Variants in TAFA5 observed in about 807,000 individuals in gnomAD.
The protein encoded by TAFA5 is TAFA chemokine like family member 5, also known as chemokine-like protein TAFA-5.
Under a neutral mutation model 15.3 loss-of-function variants are expected in TAFA5, and 6 were observed. The ratio of observed to expected loss-of-function variants is 0.39; its 90% confidence interval spans 0.21 to 0.77. TAFA5 has a LOEUF of 0.77. Among genes scored for constraint, TAFA5 ranks in the 30% least tolerant of loss-of-function variants. The probability of loss-of-function intolerance (pLI) is 0.41; values close to 1 mark genes in which losing one functional copy is unlikely to be tolerated. For synonymous variants in TAFA5, 103 were observed against 80.7 expected, an observed-to-expected ratio of 1.28 and a Z score of -1.48; for missense variants, 161 against 193.1, an observed-to-expected ratio of 0.83 and a Z score of 0.98.
At chr22:48,580,295 A>G (rs780029514) in intron 1 of TAFA5, among the ~76,000 whole-genome samples, 6 of 152,366 alleles carry the variant, frequency 3.9e-5, no homozygotes, top group African/African-American at 1.4e-4. Context: ...ATGAATGGTT[A>G]TGGCTCCGCG....
chr22:48,686,703 T>C (rs1928364743), intron 2 of TAFA5, among the ~76,000 whole-genome samples: 2 of 150,958 alleles, frequency 1.3e-5, no homozygotes, highest in African/African-American at 4.9e-5. Context: ...AGTGGATAGG[T>C]TGATGGATGC....
intron 1 of TAFA5, among the ~76,000 whole-genome samples, chr22:48,639,909 C>G (rs760969810): frequency 6.6e-6 from 1 of 152,154 alleles, no homozygotes; most frequent in Non-Finnish European, 1.5e-5. Flanking sequence ...TGCTCTCCCC[C>G]TCATCCACAG....
chr22:48,677,376 G>A (rs768201626), intron 2 of TAFA5, among the ~76,000 whole-genome samples: 1 of 152,240 alleles, frequency 6.6e-6, no homozygotes, highest in African/African-American at 2.4e-5. Context: ...GGGATGCCGG[G>A]GTCGGTGGAG....
chr22:48,593,186 G>T (rs376958591), intron 1 of TAFA5, among the ~76,000 whole-genome samples: 14 of 152,332 alleles, frequency 9.2e-5, no homozygotes, highest in African/African-American at 3.4e-4. Context: ...ACGTCCTGAG[G>T]CCGAGGCCAG....
chr22:48,554,061 C>A (rs1922947321), intron 1 of TAFA5, among the ~76,000 whole-genome samples: 1 of 152,252 alleles, frequency 6.6e-6, no homozygotes. Flanking sequence ...GAACCCAGGT[C>A]CTCGGGCGGC....
chr22:48,506,762 G>A (rs935767021), intron 1 of TAFA5, among the ~76,000 whole-genome samples: 8 of 152,216 alleles, frequency 5.3e-5, no homozygotes, highest in Admixed American at 1.3e-4. Context: ...GACCTCTTCC[G>A]GCCATGGCAG....
intron 1 of TAFA5, among the ~76,000 whole-genome samples, chr22:48,612,112 C>T (rs1251925239): frequency 2.0e-5 from 3 of 152,204 alleles, no homozygotes; most frequent in Non-Finnish European, 2.9e-5. Context: ...TTCCAGGGTG[C>T]GTCTATGCAG....
chr22:48,590,164 G>A (rs1279969989), intron 1 of TAFA5, among the ~76,000 whole-genome samples: 6 of 152,144 alleles, frequency 3.9e-5, no homozygotes, highest in Non-Finnish European at 8.8e-5. Context: ...TTCCCATCCC[G>A]GAGGTGGAAT....
chr22:48,616,219 G>A (rs1382189086), intron 1 of TAFA5, among the ~76,000 whole-genome samples: 1 of 152,100 alleles, frequency 6.6e-6, no homozygotes, highest in Non-Finnish European at 1.5e-5. Context: ...GCAGAGCTGG[G>A]GACAGCGCTG....
rs929577280 is a variant in TAFA5 at position 48,560,274 on chromosome 22, TCCCGGCATTGGTGCAC to T, written c.112+70584_112+70599del. Among the ~76,000 whole-genome samples the T allele has an allele frequency of 1.3e-5, 2 of 152,208 alleles. No individual in the cohort carries two copies. Among genetic ancestry groups the T allele is most frequent in the East Asian group, 1.9e-4 (1 of 5,182 alleles). On this transcript the variant is annotated intron_variant, in intron 1 of 3. Coordinates refer to ENST00000402357, the MANE Select transcript of TAFA5 (RefSeq NM_001082967.3). This position sits in a 1 kb window ranked among gnomAD's most constrained non-coding sequence, Gnocchi z 4.2. ...TGCGCCCAGGCTGGTGCCGTCAGGCTCCCGGCATTGGTGCACCCCGGCATTGGTGTGGCCACTGCAC... is the reference window on the plus strand; with the variant it reads ...TGCGCCCAGGCTGGTGCCGTCAGGCTCCCGGCATTGGTGTGGCCACTGCAC...
At chr22:48,515,241 T>C (rs191617809) in intron 1 of TAFA5, among the ~76,000 whole-genome samples, 374 of 151,680 alleles carry the variant, frequency 2.5e-3, no homozygotes, top group African/African-American at 8.7e-3. Context: ...AGAACCTCAG[T>C]TAGGAATTAT....
rs559987769 is a variant in TAFA5, at chr22:48,586,089, C to T, written c.113-60508C>T. Among the ~76,000 whole-genome samples the T allele has an allele frequency of 9.2e-5, 14 of 152,374 alleles. No homozygotes were observed. The South Asian group carries it at 2.3e-3, about 25-fold the overall frequency. On this transcript the variant is annotated intron_variant, in intron 1 of 3. Transcript: ENST00000402357. ...TCACCCGGACCCTGACCCTGGCCCT[C>T]GCTGGCTGGGCCTCTGCAGAGGCTT...
chr22:48,576,638 C>A (rs577815736), intron 1 of TAFA5: 65 of 1,288,492 alleles, frequency 5.0e-5, no homozygotes, highest in Middle Eastern at 2.1e-4. Context: ...CTCCGGCGCC[C>A]GACCCGGCTT....
chr22:48,537,114 G>A (rs545495146), intron 1 of TAFA5, among the ~76,000 whole-genome samples: 9 of 152,146 alleles, frequency 5.9e-5, no homozygotes, highest in East Asian at 5.8e-4. Flanking sequence ...GGGAGGTCCC[G>A]CTGACTTGAG....
chr22:48,595,308 G>A (rs1012994984), intron 1 of TAFA5, among the ~76,000 whole-genome samples: 23 of 152,346 alleles, frequency 1.5e-4, no homozygotes, highest in South Asian at 6.2e-4. Context: ...TCCCCAAATG[G>A]TTGCCCCTTC....
chr22:48,620,663 A>ATCCACCCACCCACCATCCACCATCCC, intron 1 of TAFA5, among the ~76,000 whole-genome samples: 1 of 1,776 alleles, frequency 5.6e-4, no homozygotes, highest in South Asian at 0.018. Flanking sequence ...TCCACCATCC[A>ATCCACCCACCCACCATCCACCATCCC]TCCACCACCC....
chr22:48,647,754 G>C (rs1332424141), intron 2 of TAFA5, among the ~76,000 whole-genome samples: 1 of 152,150 alleles, frequency 6.6e-6, no homozygotes, highest in East Asian at 1.9e-4. Flanking sequence ...AGGCAGCCTT[G>C]GGGTGAAGGA....
At chr22:48,665,678 GA>G (rs1927585471) in intron 2 of TAFA5, among the ~76,000 whole-genome samples, 2 of 152,132 alleles carry the variant, frequency 1.3e-5, no homozygotes, top group South Asian at 2.1e-4. Flanking sequence ...GTAAAGTTCT[GA>G]AACACTTTAG....
chr22:48,591,773 T>C (rs890525552), intron 1 of TAFA5, among the ~76,000 whole-genome samples: 1 of 152,048 alleles, frequency 6.6e-6, no homozygotes, highest in African/African-American at 2.4e-5. Flanking sequence ...AGTCAGGAGA[T>C]GGTGGCGTGG....
Sources: allele counts gnomAD v4.1 joint callset (sites outside exome capture counted in the v4.1 genomes callset), GRCh38; gene constraint gnomAD v4.1.1; non-coding constraint Gnocchi (gnomAD v3.1); transcripts MANE v1.5; gene names NCBI Gene and HGNC (gene_info 2026-07-23, HGNC 2026-07-21).